The following TENM2 variants were observed in gnomAD, a reference collection of about 807,000 sequenced individuals.
The protein encoded by TENM2 is teneurin transmembrane protein 2.
Under a neutral mutation model 245.2 loss-of-function variants are expected in TENM2, and 52 were observed. The ratio of observed to expected loss-of-function variants is 0.21; its 90% confidence interval spans 0.17 to 0.27. The LOEUF is 0.27. Ranked by LOEUF, TENM2 falls within the 10% of genes least tolerant of loss-of-function variation. The pLI, the probability that TENM2 is intolerant of heterozygous loss-of-function variation, is 1.00. For synonymous variants in TENM2, 1,363 were observed against 1,438.9 expected, an observed-to-expected ratio of 0.95 and a Z score of 1.19; for missense variants, 3,046 against 3,666.8, an observed-to-expected ratio of 0.83 and a Z score of 4.37.
At chr5:168,154,695 T>G (rs1023716320) in intron 12 of TENM2, among the ~76,000 whole-genome samples, 1 of 152,312 alleles carries the variant, frequency 6.6e-6, no homozygotes, top group South Asian at 2.1e-4. Flanking sequence ...CCTAGACAGC[T>G]GGAGGCAAAT....
intron 2 of TENM2, chr5:167,660,461 T>A (rs566689043): frequency 3.8e-4 from 35 of 93,190 alleles, no homozygotes; most frequent in African/African-American, 1.8e-3. Context: ...CAAGGCTGTG[T>A]CTCAAAAAAA....
At chr5:167,367,879 G>A (rs563894053) in intron 1 of TENM2, among the ~76,000 whole-genome samples, 7 of 152,140 alleles carry the variant, frequency 4.6e-5, no homozygotes, top group African/African-American at 1.7e-4. Flanking sequence ...AAGGCATCAT[G>A]TCAAATCACT....
At chr5:167,363,679 C>T (rs1447563314) in intron 1 of TENM2, among the ~76,000 whole-genome samples, 1 of 123,478 alleles carries the variant, frequency 8.1e-6, no homozygotes, top group African/African-American at 3.1e-5. Flanking sequence ...TGCAGTGAGA[C>T]GAGATTGGGC....
chr5:168,037,625 G>GGT (rs897052980), intron 5 of TENM2, among the ~76,000 whole-genome samples: 3 of 150,150 alleles, frequency 2.0e-5, no homozygotes, highest in African/African-American at 7.4e-5. Flanking sequence ...ATATTAAGCG[G>GGT]GTAAGAGGAG....
chr5:167,993,906 GT>G (rs1194583767), intron 5 of TENM2, among the ~76,000 whole-genome samples: 1 of 152,236 alleles, frequency 6.6e-6, no homozygotes, highest in Admixed American at 6.5e-5. Flanking sequence ...TGCCAAAGGT[GT>G]TGGTTTACAG....
intron 2 of TENM2, among the ~76,000 whole-genome samples, chr5:167,762,252 A>T (rs1762728078): frequency 6.6e-6 from 1 of 152,212 alleles, no homozygotes; most frequent in African/African-American, 2.4e-5. Flanking sequence ...TTAGGAGGAC[A>T]AAAGATCCCC....
At chr5:167,510,010 C>A (rs575266696) in intron 2 of TENM2, among the ~76,000 whole-genome samples, 1 of 152,158 alleles carries the variant, frequency 6.6e-6, no homozygotes, top group Non-Finnish European at 1.5e-5. Flanking sequence ...CTGTCTTTCA[C>A]TATCAATGTT....
chr5:167,995,631 C>T (rs1783998080), intron 5 of TENM2, among the ~76,000 whole-genome samples: 1 of 152,192 alleles, frequency 6.6e-6, no homozygotes, highest in African/African-American at 2.4e-5. Context: ...ATTCCTTTCT[C>T]CTTAGCCTTG....
At chr5:168,174,043 T>C (rs1431695528) in intron 13 of TENM2, among the ~76,000 whole-genome samples, 1 of 152,176 alleles carries the variant, frequency 6.6e-6, no homozygotes, top group East Asian at 1.9e-4. Context: ...TTGCGTGCAG[T>C]GCTGGGCAGA....
At chr5:167,337,987 G>T (rs1020721200) in intron 1 of TENM2, among the ~76,000 whole-genome samples, 1 of 152,008 alleles carries the variant, frequency 6.6e-6, no homozygotes, top group Non-Finnish European at 1.5e-5. Context: ...CTTGGATCTG[G>T]GTAGACATTT....
the TENM2 span, among the ~76,000 whole-genome samples, chr5:167,120,104 T>A: frequency 1.4e-4 from 22 of 152,034 alleles, no homozygotes; most frequent in East Asian, 4.1e-3. Context: ...CTAGGCAGGA[T>A]GGTGAAGAGG....
chr5:167,968,108 C>T (rs551491132), intron 4 of TENM2, among the ~76,000 whole-genome samples: 22 of 152,276 alleles, frequency 1.4e-4, no homozygotes, highest in Admixed American at 7.8e-4. Context: ...CAAACCGTCA[C>T]GAGATACTCA....
At chr5:168,236,937 ATCATATATATATATATATATATAT>A (rs1562318425) in intron 25 of TENM2, among the ~76,000 whole-genome samples, 190 of 61,332 alleles carry the variant, frequency 3.1e-3, no homozygotes, top group Non-Finnish European at 4.6e-3. Context: ...AGATGTCCTA[ATCATATATATATATATATATATAT>A]ATATATATAT....
At chr5:167,103,902 G>GC in the TENM2 span, among the ~76,000 whole-genome samples, 6 of 150,820 alleles carry the variant, frequency 4.0e-5, no homozygotes, top group Non-Finnish European at 5.9e-5. Flanking sequence ...ACACGCATGC[G>GC]CACACACACA....
chr5:167,421,794 TTTTG>T (rs766627340), intron 2 of TENM2, among the ~76,000 whole-genome samples: 36 of 152,234 alleles, frequency 2.4e-4, no homozygotes, highest in Middle Eastern at 3.4e-3. Context: ...GTATTCTGTT[TTTTG>T]TTTGTTTGTT....
chr5:168,125,938 G>A (rs937944219), intron 11 of TENM2, among the ~76,000 whole-genome samples: 1 of 152,054 alleles, frequency 6.6e-6, no homozygotes, highest in Non-Finnish European at 1.5e-5. Context: ...GTGAGTCACT[G>A]GCCCCACTCC....
Position 167,371,454 on chromosome 5 carries a change from C to T in TENM2, c.227-3744C>T, listed in dbSNP as rs558707764. On this transcript the variant is annotated intron_variant, in intron 1 of 28. Coordinates refer to ENST00000518659, the Ensembl canonical transcript of TENM2. Reference sequence around the variant, plus strand: ...TCAGCTCACCACAACCTCCGCCTTCCGGGTTCAAGCGACTCTCCTGCCTTG... The same window carrying T: ...TCAGCTCACCACAACCTCCGCCTTCTGGGTTCAAGCGACTCTCCTGCCTTG... 7.1e-4 allele frequency among the ~76,000 whole-genome samples: 107 copies of T among 151,486 alleles called. 1 individual carries two copies. Among genetic ancestry groups the T allele is most frequent in the African/African-American group, 2.4e-3 (100 of 41,212 alleles).
At chr5:167,895,921 G>A (rs912608664) in intron 3 of TENM2, among the ~76,000 whole-genome samples, 1 of 152,244 alleles carries the variant, frequency 6.6e-6, no homozygotes, top group African/African-American at 2.4e-5. Flanking sequence ...TGTTTATTGA[G>A]CATCTACTGT....
intron 2 of TENM2, among the ~76,000 whole-genome samples, chr5:167,595,619 A>G (rs1427798197): frequency 6.6e-6 from 1 of 152,218 alleles, no homozygotes; most frequent in Non-Finnish European, 1.5e-5. Flanking sequence ...ATAGAGAGCC[A>G]TTTGGATTTC....
Sources: gnomAD v4.1 joint callset for allele counts (sites outside exome capture counted in the v4.1 genomes callset) on GRCh38, gnomAD v4.1.1 for gene constraint, MANE v1.5 for transcripts, NCBI Gene and HGNC (gene_info 2026-07-23, HGNC 2026-07-21) for gene names.